Variants in RAB28 observed in about 807,000 individuals in gnomAD.
The protein encoded by RAB28 is RAB28, member RAS oncogene family.
In RAB28, 24 loss-of-function variants were observed where a neutral mutation model predicts 31.7. The ratio of observed to expected loss-of-function variants is 0.76; its 90% CI spans 0.55 to 1.06. The LOEUF is 1.06. Ranked by LOEUF, RAB28 falls within the 50% of genes least tolerant of loss-of-function variation. The probability of loss-of-function intolerance (pLI) is 0.00; values close to 1 mark genes in which losing one functional copy is unlikely to be tolerated. For synonymous variants in RAB28, 100 were observed against 90.4 expected (o/e 1.11, Z -0.60); for missense variants, 254 against 258.5 (o/e 0.98, Z 0.12).
chr4:13,458,091 A>G (rs1715396007), intron 4 of RAB28, among the ~76,000 whole-genome samples: 1 of 152,284 alleles, frequency 6.6e-6, no homozygotes, highest in South Asian at 2.1e-4. Context: ...AATGAACTGA[A>G]AAGCATCTGA....
At chr4:13,418,341 C>T (rs1712917376) in intron 4 of RAB28, among the ~76,000 whole-genome samples, 1 of 152,106 alleles carries the variant, frequency 6.6e-6, no homozygotes, top group Non-Finnish European at 1.5e-5. Context: ...AGGATATTAT[C>T]CAGGAGAACT....
Position 13,474,263 on chromosome 4 carries a change from T to G in RAB28, c.261+55A>C, listed in dbSNP as rs1164269141. On this transcript the variant is annotated intron_variant, in intron 3 of 6. Coordinates refer to ENST00000330852, the MANE Select transcript of RAB28 (RefSeq NM_001017979.3). ...GTGCATTTGGGAGTAGATTTGCATGTGTGCTTGTAAGTGGTATACTTTCAA... is the reference window on the plus strand; with the variant it reads ...GTGCATTTGGGAGTAGATTTGCATGGGTGCTTGTAAGTGGTATACTTTCAA... The G allele has an allele frequency of 5.2e-6, 6 of 1,149,896 alleles. No individual in the cohort carries two copies. The East Asian group carries it at 1.2e-4, about 22-fold the overall frequency. 71.2% of individuals were successfully genotyped at this position (1,149,896 alleles called of 1,614,324 possible). A position where few individuals can be genotyped will look rare whatever the true frequency, so the allele number is the denominator to read the frequency against.
At chr4:13,435,864 C>T (rs1443378688) in intron 4 of RAB28, among the ~76,000 whole-genome samples, 2 of 152,142 alleles carry the variant, frequency 1.3e-5, no homozygotes, top group Non-Finnish European at 2.9e-5. Context: ...CTCCCTGACT[C>T]ATTCTATGAA....
At chr4:13,378,285 C>T (rs560250111) in intron 5 of RAB28, among the ~76,000 whole-genome samples, 115 of 152,096 alleles carry the variant, frequency 7.6e-4, no homozygotes, top group African/African-American at 2.7e-3. Flanking sequence ...TTCAAAGAGA[C>T]GAGAGTGATC....
At chr4:13,454,375 T>A (rs1486857199) in intron 4 of RAB28, among the ~76,000 whole-genome samples, 6 of 152,218 alleles carry the variant, frequency 3.9e-5, no homozygotes, top group Non-Finnish European at 8.8e-5. Context: ...ATTATTATAT[T>A]CCTTTAAAGG....
At chr4:13,458,658 T>C (rs146822915) in intron 4 of RAB28, among the ~76,000 whole-genome samples, 2,552 of 152,296 alleles carry the variant, frequency 0.017, 69 homozygotes, top group African/African-American at 0.058. Context: ...GGGCTACATA[T>C]ATGATGGTGG....
intron 4 of RAB28, among the ~76,000 whole-genome samples, chr4:13,384,744 A>G (rs1422637456): frequency 6.6e-6 from 1 of 152,214 alleles, no homozygotes; most frequent in Non-Finnish European, 1.5e-5. Context: ...CCGAAAGAAC[A>G]TAAGCCCCCA....
chr4:13,429,089 C>T (rs1326788674), intron 4 of RAB28, among the ~76,000 whole-genome samples: 2 of 151,812 alleles, frequency 1.3e-5, no homozygotes, highest in Non-Finnish European at 2.9e-5. Context: ...GGATTACAGG[C>T]GTCTGCCACT....
In RAB28 at chr4:13,368,539, A is replaced by G; in HGVS notation, c.*19T>C. On this transcript the variant is annotated 3_prime_UTR_variant, in exon 7 of 7. Coordinates refer to ENST00000330852, the MANE Select transcript of RAB28 (RefSeq NM_001017979.3). Reference sequence around the variant, plus strand: ...AGGTGAAGGGCAGCCAGAACTATCAACACAAAAGAAAAATGCGCTCACTGA... The same window carrying G: ...AGGTGAAGGGCAGCCAGAACTATCAGCACAAAAGAAAAATGCGCTCACTGA... 1 of 1,600,988 alleles carries G rather than the reference A, an allele frequency of 6.2e-7. No homozygotes were observed. The highest frequency in any genetic ancestry group is 8.5e-7 in the Non-Finnish European group (1 of 1,174,694).
intron 4 of RAB28, among the ~76,000 whole-genome samples, chr4:13,395,284 T>C (rs1729824172): frequency 6.6e-6 from 1 of 152,136 alleles, no homozygotes; most frequent in Non-Finnish European, 1.5e-5. Context: ...CCATAAGCAT[T>C]ACAGAACATG....
At chr4:13,431,413 AC>A (rs1375141784) in intron 4 of RAB28, among the ~76,000 whole-genome samples, 2 of 151,798 alleles carry the variant, frequency 1.3e-5, no homozygotes, top group East Asian at 1.9e-4. Context: ...TTTCTCACCA[AC>A]CCCATCAGGG....
chr4:13,384,928 G>A (rs1309939550), intron 4 of RAB28, among the ~76,000 whole-genome samples: 1 of 152,162 alleles, frequency 6.6e-6, no homozygotes, highest in Non-Finnish European at 1.5e-5. Flanking sequence ...CTGAGATGCA[G>A]GAGTATGTTG....
At chr4:13,417,982 C>A (rs1395912860) in intron 4 of RAB28, among the ~76,000 whole-genome samples, 2 of 152,124 alleles carry the variant, frequency 1.3e-5, no homozygotes, top group Non-Finnish European at 2.9e-5. Context: ...GAGCCCCTCG[C>A]AAGGAAGCTA....
At chr4:13,426,335 G>A (rs1275583821) in intron 4 of RAB28, among the ~76,000 whole-genome samples, 1 of 152,012 alleles carries the variant, frequency 6.6e-6, no homozygotes, top group African/African-American at 2.4e-5. Context: ...TAATGAGGAT[G>A]CAACATCAGA....
intron 4 of RAB28, among the ~76,000 whole-genome samples, chr4:13,384,371 C>T (rs1729270386): frequency 1.3e-5 from 2 of 152,096 alleles, no homozygotes; most frequent in Admixed American, 6.5e-5. Context: ...TGTACCCCAC[C>T]GTGCTGCTGC....
intron 4 of RAB28, among the ~76,000 whole-genome samples, chr4:13,433,841 G>A (rs143934047): frequency 1.2e-4 from 18 of 151,934 alleles, no homozygotes; most frequent in African/African-American, 3.6e-4. Flanking sequence ...CCATTTTACC[G>A]AAAAATATAT....
intron 4 of RAB28, among the ~76,000 whole-genome samples, chr4:13,444,153 G>A (rs1015648249): frequency 1.3e-5 from 2 of 151,230 alleles, no homozygotes; most frequent in South Asian, 2.1e-4. Flanking sequence ...TCAGCCTCCC[G>A]AGTAGCTGGG....
intron 4 of RAB28, among the ~76,000 whole-genome samples, chr4:13,383,934 C>A (rs1729246742): frequency 6.6e-6 from 1 of 152,168 alleles, no homozygotes; most frequent in Admixed American, 6.5e-5. Context: ...GAGGTCCCAG[C>A]CTGGCCATAC....
At chr4:13,441,045 C>A (rs1478809482) in intron 4 of RAB28, among the ~76,000 whole-genome samples, 1 of 151,756 alleles carries the variant, frequency 6.6e-6, no homozygotes, top group Non-Finnish European at 1.5e-5. Flanking sequence ...AGGAAAAAAT[C>A]CTTGATTTTT....
Sources: gnomAD v4.1 joint callset for allele counts (sites outside exome capture counted in the v4.1 genomes callset) on GRCh38, gnomAD v4.1.1 for gene constraint, MANE v1.5 for transcripts, NCBI Gene and HGNC (gene_info 2026-07-23, HGNC 2026-07-21) for gene names.